The following MGAT5B variants were observed in gnomAD, a reference collection of about 807,000 sequenced individuals.
The protein encoded by MGAT5B is N-acetylglucosaminyl-transferase Vb.
Under a neutral mutation model 95.1 loss-of-function variants are expected in MGAT5B, and 54 were observed. The ratio of observed to expected loss-of-function variants is 0.57; its 90% CI spans 0.46 to 0.71. MGAT5B has a LOEUF of 0.71. Ranked by LOEUF, MGAT5B falls within the 30% of genes least tolerant of loss-of-function variation. The pLI, the probability that MGAT5B is intolerant of heterozygous loss-of-function variation, is 0.00. For missense variants in MGAT5B, 935 were observed against 1,088.6 expected, an observed-to-expected ratio of 0.86 and a Z score of 1.99; for synonymous variants, 464 against 451.0, an observed-to-expected ratio of 1.03 and a Z score of -0.36.
At chr17:76,926,473 A>AAC (rs1969315107) in intron 9 of MGAT5B, 124 bp from the exon 10 acceptor site, 1 of 935,976 alleles carries the variant, frequency 1.1e-6, no homozygotes, top group African/African-American at 1.6e-5. Context: ...TCCAAGTGCT[A>AAC]ACACACACTG....
intron 13 of MGAT5B, among the ~76,000 whole-genome samples, chr17:76,939,863 T>C (rs959056003): frequency 6.6e-6 from 1 of 152,240 alleles, no homozygotes; most frequent in Admixed American, 6.5e-5. Context: ...TGTTTTTTTT[T>C]ATGTCTGCGT....
At chr17:76,919,120 G>A (rs1163629725) in intron 8 of MGAT5B, among the ~76,000 whole-genome samples, 1 of 152,220 alleles carries the variant, frequency 6.6e-6, no homozygotes, top group African/African-American at 2.4e-5. Flanking sequence ...CTCCTGCCCA[G>A]GGATATTTTT....
In MGAT5B at chr17:76,948,942, C is replaced by G; in HGVS notation, c.*104C>G. On this transcript the variant is annotated 3_prime_UTR_variant, in exon 18 of 18. Coordinates refer to ENST00000569840, the MANE Select transcript of MGAT5B (RefSeq NM_001199172.2). The stretch of plus-strand genomic sequence containing the variant: ...CTGGCTGCTTGTCCTCCTCGCAACC[C>G]CCCCAGGCCGGAGCTTCCTTCCTTA... The G allele has an allele frequency of 7.9e-7, 1 of 1,273,092 alleles. No individual in the cohort carries two copies. Among genetic ancestry groups the G allele is most frequent in the Non-Finnish European group, 1.1e-6 (1 of 937,466 alleles). 78.9% of individuals were successfully genotyped at this position (1,273,092 alleles called of 1,614,324 possible). A position where few individuals can be genotyped will look rare whatever the true frequency, so the allele number is the denominator to read the frequency against.
At position 76,912,794 on chromosome 17, in the gene MGAT5B, G is replaced by A. The variant is rs974863116; in HGVS notation, c.1025+6607G>A. Among the ~76,000 whole-genome samples, 2 of 152,156 alleles carry A rather than the reference G, an allele frequency of 1.3e-5. No individual in the cohort carries two copies. On this transcript the variant is annotated intron_variant, in intron 8 of 17. Coordinates refer to ENST00000569840, the MANE Select transcript of MGAT5B (RefSeq NM_001199172.2). This position sits in a 1 kb window ranked among gnomAD's most constrained non-coding sequence, Gnocchi z 5.0. ...AGCAAGGTGATGTCAGCCAGTCCCCGCCCGCGCCCCGCCGTGTGCGGAGGG... is the reference window on the plus strand; with the variant it reads ...AGCAAGGTGATGTCAGCCAGTCCCCACCCGCGCCCCGCCGTGTGCGGAGGG...
chr17:76,935,123 G>A (rs1179447449), intron 12 of MGAT5B, among the ~76,000 whole-genome samples: 1 of 152,154 alleles, frequency 6.6e-6, no homozygotes, highest in Non-Finnish European at 1.5e-5. Flanking sequence ...AGGGGTGAAG[G>A]ATCAAGGGAA....
At chr17:76,942,015 C>T (rs28709802) in intron 15 of MGAT5B, among the ~76,000 whole-genome samples, 50,775 of 152,082 alleles carry the variant, frequency 0.33, 8,669 homozygotes, top group East Asian at 0.41. Context: ...GCTCGGCAGG[C>T]CAGAGACAGC....
rs2145217331 is a variant in MGAT5B, at chr17:76,915,940, C to G, written c.1026-9026C>G. On this transcript the variant is annotated intron_variant, in intron 8 of 17. Transcript: ENST00000569840. This position sits in a 1 kb window ranked among gnomAD's most constrained non-coding sequence, Gnocchi z 8.7. ...GTTGGCTGGCGGTCAGAACCCTTCC[C>G]CAGGAAATTCAGACTTGGGTAGGCA... Among the ~76,000 whole-genome samples the G allele has an allele frequency of 6.6e-6, 1 of 152,326 alleles. No individual in the cohort carries two copies. Among genetic ancestry groups the G allele is most frequent in the South Asian group, 2.1e-4 (1 of 4,822 alleles).
intron 2 of MGAT5B, among the ~76,000 whole-genome samples, chr17:76,874,058 C>T (rs1967096430): frequency 6.6e-6 from 1 of 152,174 alleles, no homozygotes; most frequent in Admixed American, 6.5e-5. Context: ...CTTCTTTAAA[C>T]TTGCAAAAGC....
At chr17:76,924,849 G>A in intron 8 of MGAT5B, 117 bp from the exon 9 acceptor site, 1 of 1,294,678 alleles carries the variant, frequency 7.7e-7, no homozygotes, top group Non-Finnish European at 1.1e-6. Context: ...TCCTTTCTGA[G>A]AGTCTGTGCT....
chr17:76,947,960 C>T lies in MGAT5B; in HGVS notation c.2054C>T (p.Pro685Leu). 1.2e-6 allele frequency: 2 copies of T among 1,612,340 alleles called. No individual in the cohort carries two copies. Among genetic ancestry groups the T allele is most frequent in the Non-Finnish European group, 1.7e-6 (2 of 1,179,190 alleles). The part of the protein sequence containing the change: ...NTSLAPGAWP[P>L]AHALRAWLAV... ...AGCTTGGCTCCTGGGGCCTGGCCCC[C>T]CGCGCACGCCCTGCGGGCCTGGCTG... Residue 685 changes from proline to leucine, a missense_variant, in exon 17 of 18, where the codon CCC becomes CTC. Pro to Leu is a moderately conservative substitution (Grantham distance 98). This residue lies in a region of MGAT5B where 440 missense variants were observed against 523.6 expected (regional missense o/e 0.84). Transcript: ENST00000569840.
At chr17:76,892,491 G>A (rs941474486) in intron 3 of MGAT5B, among the ~76,000 whole-genome samples, 2 of 152,240 alleles carry the variant, frequency 1.3e-5, no homozygotes, top group African/African-American at 4.8e-5. Context: ...TGGTCCTGGG[G>A]CTCCAGATGC....
At chr17:76,943,939 G>A (rs903839742) in intron 15 of MGAT5B, 16 of 152,162 alleles carry the variant, frequency 1.1e-4, no homozygotes, top group Non-Finnish European at 4.4e-5. Context: ...ACAGCGAGCC[G>A]GCCCCGGGCC....
rs62084713 is a variant in MGAT5B, at chr17:76,895,301, G to C, written c.330-7254G>C. ...GTTGCAGGGCTCCCACTGATTCTAC[G>C]TGGTGGTGAGTTGTATAATTATTTC... On this transcript the variant is annotated intron_variant, in intron 3 of 17. Transcript: ENST00000569840. Among the ~76,000 whole-genome samples the C allele has an allele frequency of 4.6e-5, 7 of 151,820 alleles. No homozygotes were observed. In the East Asian group the frequency reaches 5.8e-4, roughly 13 times the overall value.
intron 8 of MGAT5B, among the ~76,000 whole-genome samples, chr17:76,922,010 A>G (rs372357966): frequency 3.9e-5 from 6 of 152,072 alleles, no homozygotes; most frequent in African/African-American, 1.4e-4. Flanking sequence ...AGGATGATGG[A>G]CTCACCTTAG....
chr17:76,877,411 T>G (rs1967231564), intron 2 of MGAT5B, among the ~76,000 whole-genome samples: 1 of 150,968 alleles, frequency 6.6e-6, no homozygotes, highest in Admixed American at 6.6e-5. Flanking sequence ...ATGGCACAGC[T>G]GCATGTGTCT....
chr17:76,900,237 T>G (rs547736), intron 3 of MGAT5B, among the ~76,000 whole-genome samples: 34,536 of 152,108 alleles, frequency 0.23, 6,353 homozygotes, highest in African/African-American at 0.49. Context: ...ACTTCCTTCT[T>G]CCTGAGGACT....
rs1284231572 is a variant in MGAT5B at position 76,917,470 on chromosome 17, A to C, written c.1026-7496A>C. On this transcript the variant is annotated intron_variant, in intron 8 of 17. Coordinates refer to ENST00000569840, the MANE Select transcript of MGAT5B (RefSeq NM_001199172.2). This position sits in a 1 kb window ranked among gnomAD's most constrained non-coding sequence, Gnocchi z 6.1. ...CTCCATTTTGAGATTATTTAGGATC[A>C]CAAAACACTATCCTATATCACCACC... Among the ~76,000 whole-genome samples the C allele has an allele frequency of 6.6e-6, 1 of 152,162 alleles. No individual in the cohort carries two copies. Among genetic ancestry groups the C allele is most frequent in the Non-Finnish European group, 1.5e-5 (1 of 68,038 alleles).
intron 8 of MGAT5B, among the ~76,000 whole-genome samples, chr17:76,920,398 G>C (rs1969089660): frequency 6.6e-6 from 1 of 152,212 alleles, no homozygotes; most frequent in Non-Finnish European, 1.5e-5. Context: ...GGGCACCTTT[G>C]GTTGAAGGTT....
chr17:76,888,220 G>A lies in MGAT5B; in HGVS notation c.329+5922G>A, dbSNP rs1019272910. On this transcript the variant is annotated intron_variant, in intron 3 of 17. Coordinates refer to ENST00000569840, the MANE Select transcript of MGAT5B (RefSeq NM_001199172.2). ...GAGGGGGCCTCCCCAGCATCAGGGT[G>A]GGGAGCTCTGGATGGGCCAAGGAGG... is the stretch of plus-strand genomic sequence containing the variant. 2.6e-5 allele frequency among the ~76,000 whole-genome samples: 4 copies of A among 152,122 alleles called. No homozygotes were observed. The East Asian group carries it at 5.8e-4, about 22-fold the overall frequency.
Sources: allele counts gnomAD v4.1 joint callset (sites outside exome capture counted in the v4.1 genomes callset), GRCh38; gene constraint gnomAD v4.1.1; regional missense constraint gnomAD v4.1.1; non-coding constraint Gnocchi (gnomAD v3.1); transcripts MANE v1.5; gene names NCBI Gene and HGNC (gene_info 2026-07-23, HGNC 2026-07-21).